CDKN2B-AS1: variants seen among roughly 807,000 people sequenced by gnomAD.
CDKN2B-AS1 encodes the protein CDKN2B and CDKN2A antisense cis and trans regulatory RNA 1, also known as CDKN2B antisense RNA 1 (non-protein coding).
chr9:22,072,727 C>T (rs1824346362), intron 4 of CDKN2B-AS1, among the ~76,000 whole-genome samples: 1 of 152,180 alleles, frequency 6.6e-6, no homozygotes, highest in Non-Finnish European at 1.5e-5. Flanking sequence ...ACAAGGCAGC[C>T]TAACTTGTGA....
chr9:22,044,762 T>G (rs1004435471), intron 1 of CDKN2B-AS1, among the ~76,000 whole-genome samples: 22 of 151,898 alleles, frequency 1.4e-4, no homozygotes, highest in Non-Finnish European at 2.5e-4. Context: ...CTGGACTTCT[T>G]TTTCTGCCAA....
chr9:22,060,821 A>C (rs1258538245), intron 4 of CDKN2B-AS1, among the ~76,000 whole-genome samples: 1 of 152,206 alleles, frequency 6.6e-6, no homozygotes, highest in Non-Finnish European at 1.5e-5. Flanking sequence ...TAAAATGAGG[A>C]GGAAGCAAAA....
At chr9:22,040,600 C>G (rs181066560) in intron 1 of CDKN2B-AS1, among the ~76,000 whole-genome samples, 12 of 152,022 alleles carry the variant, frequency 7.9e-5, no homozygotes, top group Admixed American at 5.2e-4. Context: ...TGTATGGATT[C>G]CATCTTCTGA....
chr9:22,109,217 T>G lies in CDKN2B-AS1; in HGVS notation n.439-17886T>G, dbSNP rs76754909. 2.1e-4 allele frequency among the ~76,000 whole-genome samples: 32 copies of G among 152,230 alleles called. No individual in the cohort carries two copies. In the East Asian group the frequency reaches 5.2e-3, roughly 25 times the overall value. ...GACTGGTCCTTTCCTGGTTCAAGAG[T>G]TCAGCCATAATACCTACTTTCCCTA... On this transcript the variant is annotated intron_variant and non_coding_transcript_variant, in intron 4 of 4. Transcript: ENST00000650946.
intron 1 of CDKN2B-AS1, among the ~76,000 whole-genome samples, chr9:22,010,691 C>T (rs745516336): frequency 3.3e-5 from 5 of 152,134 alleles, no homozygotes; most frequent in Admixed American, 2.6e-4. Context: ...GGAAGGGAAC[C>T]GGGTAGCATT....
intron 4 of CDKN2B-AS1, among the ~76,000 whole-genome samples, chr9:22,062,986 C>CATATATAT (rs1554672666): frequency 5.8e-5 from 8 of 136,772 alleles, no homozygotes; most frequent in Non-Finnish European, 1.1e-4. Flanking sequence ...GACACACACA[C>CATATATAT]ATATATATAT....
intron 1 of CDKN2B-AS1, chr9:22,029,673 A>G: frequency 2.0e-6 from 1 of 489,146 alleles, no homozygotes; most frequent in Admixed American, 3.5e-5. Context: ...TCTCTTCCAA[A>G]TTTAATCTTT....
intron 4 of CDKN2B-AS1, chr9:22,119,741 G>A (rs985773440): frequency 6.6e-6 from 1 of 152,202 alleles, no homozygotes; most frequent in Non-Finnish European, 1.5e-5. Flanking sequence ...GCCAGTCTGG[G>A]TCCAAAAGGG....
At position 22,101,705 on chromosome 9, in the gene CDKN2B-AS1, G is replaced by A. The variant is rs1453359088; in HGVS notation, n.439-25398G>A. Among the ~76,000 whole-genome samples, 8 of 113,802 alleles carry A rather than the reference G, an allele frequency of 7.0e-5. No homozygotes were observed. The South Asian group carries it at 2.0e-3, about 28-fold the overall frequency. 74.7% of individuals were successfully genotyped at this position (113,802 alleles called of 152,430 possible). ...ACACACACACACACACACACACATG[G>A]CTTCTAGATTCTACATGTACAAGAG... On this transcript the variant is annotated intron_variant and non_coding_transcript_variant, in intron 4 of 4. Transcript: ENST00000650946.
chr9:22,086,649 A>G (rs1202258462), intron 4 of CDKN2B-AS1, among the ~76,000 whole-genome samples: 3 of 152,174 alleles, frequency 2.0e-5, no homozygotes, highest in African/African-American at 7.2e-5. Context: ...GGTTTGCCCT[A>G]TCTTATCTTT....
At chr9:22,111,316 C>A (rs1035120351) in intron 4 of CDKN2B-AS1, among the ~76,000 whole-genome samples, 3 of 152,090 alleles carry the variant, frequency 2.0e-5, no homozygotes, top group African/African-American at 7.2e-5. Context: ...TAGTTTTCAT[C>A]CTTAACCACA....
At chr9:22,052,364 T>G (rs1351866828) in intron 3 of CDKN2B-AS1, among the ~76,000 whole-genome samples, 1 of 152,110 alleles carries the variant, frequency 6.6e-6, no homozygotes, top group East Asian at 1.9e-4. Flanking sequence ...AACTGTATAT[T>G]TTCAGAGTAA....
intron 4 of CDKN2B-AS1, among the ~76,000 whole-genome samples, chr9:22,093,910 C>T (rs1825184570): frequency 6.9e-6 from 1 of 144,222 alleles, no homozygotes; most frequent in African/African-American, 2.9e-5. Context: ...TTCTTCCTAG[C>T]CTTGATGGTC....
In CDKN2B-AS1 at chr9:22,061,003, C is replaced by A. The variant is rs187873613; in HGVS notation, n.438+4616C>A. On this transcript the variant is annotated intron_variant and non_coding_transcript_variant, in intron 4 of 4. Transcript: ENST00000650946. Reference sequence around the variant, plus strand: ...AGTTGAGATTTGGTAGGGACACAGGCAAACCATATCACTATACCACAAGTT... The same window carrying A: ...AGTTGAGATTTGGTAGGGACACAGGAAAACCATATCACTATACCACAAGTT... 1.4e-4 allele frequency among the ~76,000 whole-genome samples: 22 copies of A among 152,256 alleles called. No homozygotes were observed. The East Asian group carries it at 3.9e-3, about 27-fold the overall frequency.
chr9:22,009,338 G>T lies in CDKN2B-AS1; in HGVS notation n.29+14177G>T, dbSNP rs2069419. 5,464 of 398,514 alleles carry T rather than the reference G, an allele frequency of 0.014. 269 individuals are homozygous for T. Among genetic ancestry groups the T allele is most frequent in the African/African-American group, 0.1 (4,961 of 48,282 alleles). 24.7% of individuals were successfully genotyped at this position (398,514 alleles called of 1,614,324 possible). A position where few individuals can be genotyped will look rare whatever the true frequency, so the allele number is the denominator to read the frequency against. ...CAGCCGGCAAAGAATTCCGTTTTCAGCTGGGCCAAGGGGCCGGCGTCTCCC... is the reference window on the plus strand; with the variant it reads ...CAGCCGGCAAAGAATTCCGTTTTCATCTGGGCCAAGGGGCCGGCGTCTCCC... On this transcript the variant is annotated intron_variant and non_coding_transcript_variant, in intron 1 of 4. Coordinates refer to ENST00000650946, the Ensembl canonical transcript of CDKN2B-AS1.
intron 1 of CDKN2B-AS1, chr9:22,012,265 C>G: frequency 6.9e-7 from 1 of 1,445,992 alleles, no homozygotes; most frequent in Admixed American, 1.7e-5. Flanking sequence ...AGGGTATCCC[C>G]CCTGACAAGC....
At chr9:22,066,209 TC>T (rs1587482950) in intron 4 of CDKN2B-AS1, 1 of 89,242 alleles carries the variant, frequency 1.1e-5, no homozygotes, top group East Asian at 3.1e-4. Context: ...TTTTAAAAAT[TC>T]TATTTTTTTT....
intron 4 of CDKN2B-AS1, chr9:22,092,447 T>G (rs1246603986): frequency 1.3e-5 from 2 of 152,224 alleles, no homozygotes; most frequent in African/African-American, 4.8e-5. Context: ...TGAATCCATC[T>G]GGTCCTGGAC....
chr9:22,010,065 A>G (rs1022982109), intron 1 of CDKN2B-AS1, among the ~76,000 whole-genome samples: 2 of 152,160 alleles, frequency 1.3e-5, no homozygotes, highest in Admixed American at 6.5e-5. Flanking sequence ...TTGCACTCTT[A>G]CCTATTTAAA....
Sources: gnomAD v4.1 joint callset for allele counts (sites outside exome capture counted in the v4.1 genomes callset) on GRCh38, gnomAD v4.1.1 for gene constraint, MANE v1.5 for transcripts, NCBI Gene and HGNC (gene_info 2026-07-23, HGNC 2026-07-21) for gene names.